The following CDH11 variants were observed in gnomAD, a reference collection of about 807,000 sequenced individuals.
The protein encoded by CDH11 is cadherin-11.
CDH11 carries 11 observed loss-of-function variants against 67.8 expected under a neutral mutation model. That is an observed-to-expected ratio of 0.16 (90% CI 0.10 to 0.27). CDH11 has a LOEUF of 0.27. CDH11 is among the 10% of genes least tolerant of loss of function. The pLI, the probability that CDH11 is intolerant of heterozygous loss-of-function variation, is 1.00. For synonymous variants in CDH11, 419 were observed against 400.0 expected, an observed-to-expected ratio of 1.05 and a Z score of -0.57; for missense variants, 847 against 1,031.2, an observed-to-expected ratio of 0.82 and a Z score of 2.45.
rs2071171361 is a variant in CDH11 at position 64,945,097 on chromosome 16, CA to C, written c.*2505del. 2 of 204,344 alleles carry C rather than the reference CA, an allele frequency of 9.8e-6. No homozygotes were observed. The highest frequency in any genetic ancestry group is 2.0e-5 in the Non-Finnish European group (2 of 99,964). 12.7% of individuals were successfully genotyped at this position (204,344 alleles called of 1,614,324 possible). On this transcript the variant is annotated 3_prime_UTR_variant, in exon 13 of 13. Transcript: ENST00000268603. Reference sequence around the variant, plus strand: ...AATAACCATTACTTGAGGAAAAGAACAGAAGCATGTTCCTTCTTTTAGCTGC... The same window carrying C: ...AATAACCATTACTTGAGGAAAAGAACGAAGCATGTTCCTTCTTTTAGCTGC...
intron 8 of CDH11, among the ~76,000 whole-genome samples, chr16:64,975,465 A>G (rs2072137982): frequency 6.6e-6 from 1 of 152,210 alleles, no homozygotes; most frequent in Non-Finnish European, 1.5e-5. Flanking sequence ...TTTTAAATAC[A>G]TGAGGTGATG....
At chr16:65,111,516 T>C (rs2075155663) in intron 1 of CDH11, among the ~76,000 whole-genome samples, 1 of 152,044 alleles carries the variant, frequency 6.6e-6, no homozygotes, top group Admixed American at 6.6e-5. Context: ...ACAAATAAAC[T>C]GTGGAGCGTA....
At chr16:65,001,029 C>G (rs1184020120) in intron 3 of CDH11, among the ~76,000 whole-genome samples, 2 of 151,810 alleles carry the variant, frequency 1.3e-5, no homozygotes, top group Non-Finnish European at 2.9e-5. Flanking sequence ...GCCTAGAGAC[C>G]TTGCTTATAA....
At chr16:65,106,417 CTT>C (rs2075066733) in intron 1 of CDH11, among the ~76,000 whole-genome samples, 1 of 152,180 alleles carries the variant, frequency 6.6e-6, no homozygotes, top group South Asian at 2.1e-4. Flanking sequence ...CCATCTTGGT[CTT>C]TGCTATCACA....
chr16:65,010,020 G>T (rs934053877), intron 2 of CDH11, among the ~76,000 whole-genome samples: 1 of 152,162 alleles, frequency 6.6e-6, no homozygotes, highest in Admixed American at 6.5e-5. Context: ...AATTGTTATT[G>T]GGTGGAGAAT....
chr16:65,001,156 C>T (rs2142518258), intron 3 of CDH11, among the ~76,000 whole-genome samples: 1 of 152,176 alleles, frequency 6.6e-6, no homozygotes, highest in Admixed American at 6.6e-5. Context: ...CGGGGGTTAC[C>T]TGTAGGTATG....
At chr16:64,979,361 C>T (rs1297120845) in intron 8 of CDH11, among the ~76,000 whole-genome samples, 2 of 152,114 alleles carry the variant, frequency 1.3e-5, no homozygotes, top group African/African-American at 2.4e-5. Context: ...GCACAAGACT[C>T]GCCCGAGCCT....
intron 2 of CDH11, among the ~76,000 whole-genome samples, chr16:65,048,545 G>GTA (rs1471540407): frequency 6.6e-6 from 1 of 151,844 alleles, no homozygotes; most frequent in Non-Finnish European, 1.5e-5. Context: ...GTGTGTGTGT[G>GTA]TATATACATA....
chr16:65,034,507 G>C (rs1462318476), intron 2 of CDH11, among the ~76,000 whole-genome samples: 2 of 152,152 alleles, frequency 1.3e-5, no homozygotes, highest in African/African-American at 4.8e-5. Flanking sequence ...GCAGCCATGA[G>C]TACTAGGTTC....
intron 1 of CDH11, among the ~76,000 whole-genome samples, chr16:65,088,663 A>T (rs1306180651): frequency 6.6e-6 from 1 of 152,172 alleles, no homozygotes; most frequent in Admixed American, 6.5e-5. Context: ...TTTGTTGAGC[A>T]TTTTTTATCA....
At chr16:65,035,859 G>A (rs2142642352) in intron 2 of CDH11, among the ~76,000 whole-genome samples, 1 of 152,250 alleles carries the variant, frequency 6.6e-6, no homozygotes, top group Non-Finnish European at 1.5e-5. Flanking sequence ...GTTGGACTGA[G>A]GCTGGAAAAC....
chr16:64,971,881 CTA>C (rs751454662), intron 10 of CDH11, 48 bp downstream of exon 10: 1 of 1,602,532 alleles, frequency 6.2e-7, no homozygotes, highest in Admixed American at 1.7e-5. Context: ...AAAACACACT[CTA>C]TTTCCAAGTG....
intron 11 of CDH11, among the ~76,000 whole-genome samples, chr16:64,957,639 C>CATATATAT (rs36077145): frequency 2.4e-4 from 35 of 146,778 alleles, no homozygotes; most frequent in African/African-American, 8.6e-4. Context: ...CACACCCATC[C>CATATATAT]ATATATATAT....
intron 1 of CDH11, among the ~76,000 whole-genome samples, chr16:65,098,628 G>T (rs2074939078): frequency 1.3e-5 from 2 of 151,994 alleles, no homozygotes; most frequent in African/African-American, 2.4e-5. Flanking sequence ...GGCCTCACAA[G>T]TTGGCTGGAT....
chr16:65,112,905 G>C (rs932343497), intron 1 of CDH11, among the ~76,000 whole-genome samples: 1 of 152,212 alleles, frequency 6.6e-6, no homozygotes, highest in East Asian at 1.9e-4. Context: ...AAGGATATCA[G>C]AGGGCGCAGC....
intron 8 of CDH11, 95 bp downstream of exon 8, chr16:64,981,953 T>C (rs2072361335): frequency 1.8e-6 from 2 of 1,136,154 alleles, no homozygotes; most frequent in Non-Finnish European, 2.5e-6. Context: ...TTGAACCCTT[T>C]TTGAAATTGA....
Position 65,065,477 on chromosome 16 carries a change from G to T in CDH11, c.-297-11549C>A, listed in dbSNP as rs553519164. Among the ~76,000 whole-genome samples the T allele has an allele frequency of 9.2e-5, 14 of 152,260 alleles. No individual in the cohort carries two copies. In the South Asian group the frequency reaches 2.9e-3, roughly 32 times the overall value. On this transcript the variant is annotated intron_variant, in intron 1 of 12. Transcript: ENST00000268603. ...CAAGGGCTGCTTCACGAAAGGGACG[G>T]GGACACACGACCTGGCACAGGACCG...
At chr16:64,986,010 C>A (rs541274624) in intron 7 of CDH11, 1 of 151,972 alleles carries the variant, frequency 6.6e-6, no homozygotes, top group South Asian at 2.1e-4. Context: ...CTCAATAACT[C>A]TTGGTGGAAA....
chr16:65,026,317 G>T (rs567042492), intron 2 of CDH11, among the ~76,000 whole-genome samples: 63 of 152,266 alleles, frequency 4.1e-4, no homozygotes, highest in African/African-American at 1.3e-3. Flanking sequence ...AAGAAAATAA[G>T]GGTTTGGAGC....
Sources: allele counts gnomAD v4.1 joint callset (sites outside exome capture counted in the v4.1 genomes callset), GRCh38; gene constraint gnomAD v4.1.1; transcripts MANE v1.5; gene names NCBI Gene and HGNC (gene_info 2026-07-23, HGNC 2026-07-21).